Variants in PCDH11X observed in about 807,000 individuals in gnomAD.
PCDH11X encodes the protein protocadherin-11 X-linked.
Under a neutral mutation model 53.3 loss-of-function variants are expected in PCDH11X, and 18 were observed. The ratio of observed to expected loss-of-function variants is 0.34; its 90% confidence interval spans 0.23 to 0.50. PCDH11X has a LOEUF of 0.50. Ranked by LOEUF, PCDH11X falls within the 20% of genes least tolerant of loss-of-function variation. The pLI is 0.98. For missense variants in PCDH11X, 570 were observed against 1,032.4 expected, an observed-to-expected ratio of 0.55 and a Z score of 6.14; for synonymous variants, 279 against 393.3, an observed-to-expected ratio of 0.71 and a Z score of 3.44.
chrX:92,476,063 G>A (rs1005043426), intron 10 of PCDH11X, among the ~76,000 whole-genome samples: 1 of 111,393 alleles, frequency 9.0e-6, no homozygotes, highest in Non-Finnish European at 1.9e-5. Flanking sequence ...GGAGGTAACT[G>A]AATCATGGGG....
intron 7 of PCDH11X, among the ~76,000 whole-genome samples, chrX:92,224,878 C>T (rs747971596): frequency 8.0e-5 from 9 of 112,084 alleles, no homozygotes; most frequent in Non-Finnish European, 1.7e-4. Flanking sequence ...ACCTTTGCTC[C>T]ATCTAAAGTG....
intron 6 of PCDH11X, among the ~76,000 whole-genome samples, chrX:91,956,378 T>C (rs192308377): frequency 0.055 from 6,122 of 111,786 alleles, 137 homozygotes; most frequent in Middle Eastern, 0.069. Flanking sequence ...TGTGTTTTTG[T>C]AGTGGCTGGC....
chrX:92,219,790 TC>T, intron 7 of PCDH11X, among the ~76,000 whole-genome samples: 1 of 76,289 alleles, frequency 1.3e-5, no homozygotes, highest in African/African-American at 4.7e-5. Flanking sequence ...CTACCTGACT[TC>T]AAACTATACT....
At chrX:91,890,411 C>T in intron 6 of PCDH11X, among the ~76,000 whole-genome samples, 1 of 108,537 alleles carries the variant, frequency 9.2e-6, no homozygotes, top group South Asian at 4.0e-4. Flanking sequence ...ATATCCAGTA[C>T]ATTCTGTATA....
intron 6 of PCDH11X, among the ~76,000 whole-genome samples, chrX:92,029,457 T>C (rs1003145481): frequency 8.9e-6 from 1 of 111,865 alleles, no homozygotes; most frequent in Non-Finnish European, 1.9e-5. Context: ...TTAAAATATG[T>C]GACATCATCA....
intron 7 of PCDH11X, among the ~76,000 whole-genome samples, chrX:92,223,719 A>G (rs192997230): frequency 1.8e-5 from 2 of 112,037 alleles, no homozygotes; most frequent in East Asian, 5.6e-4. Flanking sequence ...ACCATTTGTC[A>G]TGACAATAAT....
intron 1 of PCDH11X, among the ~76,000 whole-genome samples, chrX:91,786,191 TAATAC>T (rs1935330164): frequency 1.9e-5 from 2 of 107,155 alleles, no homozygotes; most frequent in African/African-American, 6.8e-5. Context: ...TGGATTAATA[TAATAC>T]ATTTTAAGAC....
chrX:91,782,108 G>T (rs1275126572), intron 1 of PCDH11X, among the ~76,000 whole-genome samples: 3 of 111,401 alleles, frequency 2.7e-5, no homozygotes, highest in African/African-American at 9.8e-5. Context: ...GAGCAGCCCT[G>T]CCCCGCGCGC....
At chrX:92,519,424 A>G (rs1408543350) in intron 10 of PCDH11X, among the ~76,000 whole-genome samples, 2 of 107,481 alleles carry the variant, frequency 1.9e-5, no homozygotes, top group African/African-American at 6.7e-5. Context: ...TTTTTACTTT[A>G]TGATTAAATT....
intron 6 of PCDH11X, among the ~76,000 whole-genome samples, chrX:92,025,223 C>T (rs1188152877): frequency 1.8e-5 from 2 of 109,605 alleles, no homozygotes; most frequent in African/African-American, 6.6e-5. Flanking sequence ...CTGCAATCTA[C>T]CCATCTGACA....
intron 10 of PCDH11X, among the ~76,000 whole-genome samples, chrX:92,481,979 GC>G (rs776229797): frequency 1.0e-5 from 1 of 99,682 alleles, no homozygotes; most frequent in South Asian, 5.3e-4. Flanking sequence ...AGTATTCCCA[GC>G]TTCCTCCCTC....
At chrX:92,350,296 A>C (rs2070013266) in intron 8 of PCDH11X, among the ~76,000 whole-genome samples, 1 of 109,232 alleles carries the variant, frequency 9.2e-6, no homozygotes, top group Non-Finnish European at 1.9e-5. Context: ...GGGGCATGTT[A>C]AGGAACCTTG....
At chrX:92,481,303 ACACACACACACCC>A (rs1341082579) in intron 10 of PCDH11X, among the ~76,000 whole-genome samples, 2 of 90,048 alleles carry the variant, frequency 2.2e-5, no homozygotes, top group African/African-American at 7.5e-5. Flanking sequence ...CACACACCCC[ACACACACACACCC>A]CACACACACA....
chrX:92,545,069 G>A (rs1461185372), intron 10 of PCDH11X, among the ~76,000 whole-genome samples: 1 of 111,131 alleles, frequency 9.0e-6, no homozygotes, highest in African/African-American at 3.3e-5. Flanking sequence ...AGCTCCTGCT[G>A]TCCAAATGCA....
In PCDH11X at chrX:91,972,933, A is replaced by G. The variant is rs367727639; in HGVS notation, c.3033+93660A>G. Among the ~76,000 whole-genome samples the G allele has an allele frequency of 9.9e-5, 11 of 111,134 alleles. No individual in the cohort carries two copies. The East Asian group carries it at 2.9e-3, about 29-fold the overall frequency. On this transcript the variant is annotated intron_variant, in intron 6 of 10. Coordinates refer to ENST00000682573, the MANE Select transcript of PCDH11X (RefSeq NM_032968.5). Reference sequence around the variant, plus strand: ...TACCATTTGACCCAGCCATCCCATTACTGGGTATATACCCAAAGGACTATA... The same window carrying G: ...TACCATTTGACCCAGCCATCCCATTGCTGGGTATATACCCAAAGGACTATA...
At chrX:91,836,943 A>G (rs1032821827) in intron 5 of PCDH11X, among the ~76,000 whole-genome samples, 3 of 109,926 alleles carry the variant, frequency 2.7e-5, no homozygotes, top group African/African-American at 9.9e-5. Context: ...AGTACAATGC[A>G]CTTGAATGAT....
intron 10 of PCDH11X, among the ~76,000 whole-genome samples, chrX:92,481,227 C>T (rs1198844171): frequency 1.8e-5 from 2 of 108,952 alleles, no homozygotes; most frequent in East Asian, 2.9e-4. Context: ...AATGACAGTA[C>T]AGTGGGGAGA....
chrX:91,995,224 A>C (rs763275014), intron 6 of PCDH11X, among the ~76,000 whole-genome samples: 119 of 107,598 alleles, frequency 1.1e-3, no homozygotes, highest in Non-Finnish European at 1.6e-3. Flanking sequence ...TTAAAAAAAA[A>C]AAAACAAAAA....
chrX:92,566,373 T>G (rs977154548), intron 10 of PCDH11X, among the ~76,000 whole-genome samples: 66 of 109,430 alleles, frequency 6.0e-4, no homozygotes, highest in African/African-American at 2.2e-3. Context: ...AATATTTTAT[T>G]GAAAATAGTG....
Sources: allele counts gnomAD v4.1 joint callset (sites outside exome capture counted in the v4.1 genomes callset), GRCh38; gene constraint gnomAD v4.1.1; transcripts MANE v1.5; gene names NCBI Gene and HGNC (gene_info 2026-07-23, HGNC 2026-07-21).